The following RNF217 variants were observed in gnomAD, a reference collection of about 807,000 sequenced individuals.
RNF217 encodes the protein ring finger protein 217.
In RNF217, 31 loss-of-function variants were observed where a neutral mutation model predicts 57.8. The observed-to-expected ratio is 0.54, with a 90% confidence interval of 0.40 to 0.72. The LOEUF (loss-of-function observed/expected upper bound fraction) is 0.72. Ranked by LOEUF, RNF217 falls within the 30% of genes least tolerant of loss-of-function variation. RNF217 has a pLI of 0.00. For missense variants in RNF217, 696 were observed against 708.3 expected (o/e 0.98, Z 0.20); for synonymous variants, 313 against 294.0 (o/e 1.06, Z -0.66).
In RNF217 at chr6:125,087,432, C is replaced by T. The variant is rs914087073; in HGVS notation, c.*4495C>T. 1.1e-4 allele frequency: 17 copies of T among 152,106 alleles called. No homozygotes were observed. The highest frequency in any genetic ancestry group is 4.1e-4 in the African/African-American group (17 of 41,436). 9.4% of individuals were successfully genotyped at this position (152,106 alleles called of 1,614,324 possible). ...CTCCCAACTATTGAGAGTGATCTTT[C>T]CCATGGTCTGCTTTATTGTTTTGTG... On this transcript the variant is annotated 3_prime_UTR_variant, in exon 6 of 6. Coordinates refer to ENST00000521654, the MANE Select transcript of RNF217 (RefSeq NM_001286398.3).
intron 1 of RNF217, among the ~76,000 whole-genome samples, chr6:124,980,897 AT>A (rs1784139222): frequency 6.6e-6 from 1 of 152,200 alleles, no homozygotes; most frequent in South Asian, 2.1e-4. Context: ...TTTTAAAAAA[AT>A]TTATGAGAAA....
chr6:125,077,123 C>A (rs1788407436), intron 4 of RNF217, among the ~76,000 whole-genome samples: 1 of 152,130 alleles, frequency 6.6e-6, no homozygotes, highest in Admixed American at 6.6e-5. Context: ...TCTTAAATTT[C>A]TGAAACCCTG....
chr6:124,986,634 G>T (rs886862222), intron 1 of RNF217, among the ~76,000 whole-genome samples: 1 of 152,032 alleles, frequency 6.6e-6, no homozygotes, highest in African/African-American at 2.4e-5. Context: ...ATTTTATAAG[G>T]TTATCTCTTC....
At chr6:124,987,793 G>C (rs1371834414) in intron 1 of RNF217, among the ~76,000 whole-genome samples, 1 of 152,010 alleles carries the variant, frequency 6.6e-6, no homozygotes, top group Non-Finnish European at 1.5e-5. Context: ...AGGATGAGAA[G>C]GTGATATAGA....
chr6:125,028,029 T>G (rs1178788343), intron 1 of RNF217, among the ~76,000 whole-genome samples: 2 of 152,150 alleles, frequency 1.3e-5, no homozygotes, highest in Non-Finnish European at 2.9e-5. Context: ...GGTGATTAAT[T>G]TCTTATCAGA....
At chr6:125,046,373 T>C (rs1787099179) in intron 2 of RNF217, among the ~76,000 whole-genome samples, 1 of 152,032 alleles carries the variant, frequency 6.6e-6, no homozygotes, top group African/African-American at 2.4e-5. Flanking sequence ...GAAGTCTGGT[T>C]TGAAACCAAG....
chr6:125,076,471 A>G lies in RNF217; in HGVS notation c.1282-186A>G, dbSNP rs1788376328. On this transcript the variant is annotated intron_variant, in intron 3 of 5. Coordinates refer to ENST00000521654, the MANE Select transcript of RNF217 (RefSeq NM_001286398.3). ...TGAAATATTATCAAGCTTTGCACAC[A>G]TGAAAGTATTTGGTAAAAGGATAAT... Among the ~76,000 whole-genome samples, 3 of 152,290 alleles carry G rather than the reference A, an allele frequency of 2.0e-5. 1 individual carries two copies. The South Asian group carries it at 6.2e-4, about 32-fold the overall frequency.
intron 1 of RNF217, among the ~76,000 whole-genome samples, chr6:124,990,418 G>T (rs112717779): frequency 5.9e-5 from 9 of 152,164 alleles, no homozygotes; most frequent in African/African-American, 2.2e-4. Flanking sequence ...ATCTGCAATT[G>T]ATTTTATAAG....
At position 125,058,214 on chromosome 6, in the gene RNF217, A is replaced by G. The variant is rs539972993; in HGVS notation, c.1281+108A>G. The stretch of plus-strand genomic sequence containing the variant: ...TAACTGTCTTAATGCAGGTATGTGG[A>G]AAAAGAGTATTGCTCTTTTATTTTG... On this transcript the variant is annotated intron_variant, in intron 3 of 5. Coordinates refer to ENST00000521654, the MANE Select transcript of RNF217 (RefSeq NM_001286398.3). The G allele has an allele frequency of 6.5e-6, 6 of 924,966 alleles. No individual in the cohort carries two copies. In the East Asian group the frequency reaches 1.9e-4, roughly 29 times the overall value. The allele number at this position is 924,966 out of a possible 1,614,324, so 57.3% of individuals were successfully genotyped here.
At position 124,962,742 on chromosome 6, in the gene RNF217, C is replaced by T. The variant is rs765226965; in HGVS notation, c.198C>T (p.Ala66=). 14 of 1,581,538 alleles carry T rather than the reference C, an allele frequency of 8.9e-6. No individual in the cohort carries two copies. The African/African-American group carries it at 1.2e-4, about 14-fold the overall frequency. Residue 66 remains alanine (A), a synonymous_variant, in exon 1 of 6, where the codon GCC becomes GCT. Coordinates refer to ENST00000521654, the MANE Select transcript of RNF217 (RefSeq NM_001286398.3). The surrounding 1 kb of genome is among the most constrained non-coding windows in gnomAD (Gnocchi z 4.6). ...GSDWGCADTS[A]PEPARSLGPP... is the part of the protein sequence containing the mutation. The stretch of plus-strand genomic sequence containing the variant: ...ACTGGGGCTGCGCGGACACCAGCGC[C>T]CCAGAGCCCGCGAGGAGCCTGGGGC...
chr6:125,054,382 A>C (rs1787443913), intron 2 of RNF217, among the ~76,000 whole-genome samples: 1 of 152,184 alleles, frequency 6.6e-6, no homozygotes, highest in African/African-American at 2.4e-5. Flanking sequence ...GCAGCTGCCC[A>C]GGCAGGCCTC....
intron 1 of RNF217, among the ~76,000 whole-genome samples, chr6:124,991,304 T>C (rs1033217139): frequency 2.6e-5 from 4 of 152,220 alleles, no homozygotes; most frequent in African/African-American, 9.6e-5. Context: ...TTAGGACCTT[T>C]CCAGTAGCTG....
intron 2 of RNF217, chr6:125,048,272 T>C (rs1425604134): frequency 7.5e-7 from 1 of 1,329,192 alleles, no homozygotes; most frequent in Non-Finnish European, 1.0e-6. Context: ...GAACATTTTT[T>C]ATTTTGCAGT....
intron 1 of RNF217, among the ~76,000 whole-genome samples, chr6:124,978,313 G>C (rs28700225): frequency 0.24 from 36,121 of 151,600 alleles, 4,656 homozygotes; most frequent in East Asian, 0.4. Context: ...CACCTGCTTA[G>C]CCCGGCAGGC....
chr6:125,004,461 A>C (rs1274086864), intron 1 of RNF217, among the ~76,000 whole-genome samples: 2 of 152,200 alleles, frequency 1.3e-5, no homozygotes, highest in Non-Finnish European at 2.9e-5. Context: ...AGTTGAGGGA[A>C]GATAAGCAGA....
chr6:125,049,053 C>T (rs1052827290), intron 2 of RNF217, among the ~76,000 whole-genome samples: 11 of 152,002 alleles, frequency 7.2e-5, no homozygotes, highest in Middle Eastern at 3.2e-3. Context: ...AAAGGCTTAC[C>T]GTTCCATTTC....
At chr6:125,081,982 C>T (rs1788593834) in intron 5 of RNF217, among the ~76,000 whole-genome samples, 1 of 152,000 alleles carries the variant, frequency 6.6e-6, no homozygotes, top group Admixed American at 6.6e-5. Context: ...AATAGAAAAC[C>T]TTGCAGTGAT....
At chr6:124,982,395 T>C (rs1302751917) in intron 1 of RNF217, among the ~76,000 whole-genome samples, 1 of 152,162 alleles carries the variant, frequency 6.6e-6, no homozygotes, top group African/African-American at 2.4e-5. Flanking sequence ...AAATAGAAGA[T>C]ATTTCATAGG....
At chr6:125,067,200 GC>G (rs1489134347) in intron 3 of RNF217, among the ~76,000 whole-genome samples, 1 of 152,204 alleles carries the variant, frequency 6.6e-6, no homozygotes, top group Non-Finnish European at 1.5e-5. Flanking sequence ...GGTTAACTTA[GC>G]GTAAGGTTTA....
Sources: gnomAD v4.1 joint callset for allele counts (sites outside exome capture counted in the v4.1 genomes callset) on GRCh38, gnomAD v4.1.1 for gene constraint, Gnocchi (gnomAD v3.1) non-coding constraint, MANE v1.5 for transcripts, NCBI Gene and HGNC (gene_info 2026-07-23, HGNC 2026-07-21) for gene names.